The following FAM241A variants were observed in gnomAD, a reference collection of about 807,000 sequenced individuals.
The protein encoded by FAM241A is uncharacterized protein FAM241A.
In FAM241A, 7 loss-of-function variants were observed where a neutral mutation model predicts 12.2. The observed-to-expected ratio is 0.58, with a 90% CI of 0.33 to 1.08. The LOEUF (loss-of-function observed/expected upper bound fraction) is 1.08. Ranked by LOEUF, FAM241A falls within the 50% of genes least tolerant of loss-of-function variation. The pLI is 0.04. For synonymous variants in FAM241A, 74 were observed against 68.2 expected (o/e 1.08, Z -0.42); for missense variants, 161 against 169.7 (o/e 0.95, Z 0.29).
chr4:112,182,560 C>G (rs977620076), intron 1 of FAM241A, among the ~76,000 whole-genome samples: 1 of 152,002 alleles, frequency 6.6e-6, no homozygotes, highest in Admixed American at 6.6e-5. Flanking sequence ...GGATCAAACT[C>G]ATCGACTATA....
chr4:112,166,880 C>T (rs1235947194), intron 1 of FAM241A, among the ~76,000 whole-genome samples: 1 of 150,330 alleles, frequency 6.7e-6, no homozygotes, highest in African/African-American at 2.5e-5. Flanking sequence ...TTTGGGAGGC[C>T]GAGGCGGGCG....
intron 1 of FAM241A, chr4:112,171,200 T>C (rs780614827): frequency 1.5e-6 from 1 of 674,366 alleles, no homozygotes; most frequent in Non-Finnish European, 2.7e-6. Flanking sequence ...TCTGTGCCGA[T>C]AGCACTCCTG....
chr4:112,160,274 G>A (rs1723435842), intron 1 of FAM241A, among the ~76,000 whole-genome samples: 1 of 151,968 alleles, frequency 6.6e-6, no homozygotes. Flanking sequence ...TGGGCATGGT[G>A]ATGCGTGCCT....
chr4:112,168,347 G>A (rs1723643669), intron 1 of FAM241A, among the ~76,000 whole-genome samples: 1 of 152,052 alleles, frequency 6.6e-6, no homozygotes, highest in Non-Finnish European at 1.5e-5. Flanking sequence ...ATGATTGATA[G>A]CTTAATAGAT....
At chr4:112,159,356 G>A (rs548849819) in intron 1 of FAM241A, among the ~76,000 whole-genome samples, 6 of 152,224 alleles carry the variant, frequency 3.9e-5, no homozygotes, top group East Asian at 1.9e-4. Context: ...GTAAGCAAAC[G>A]CAAATTCTTT....
At chr4:112,158,336 C>A (rs566614668) in intron 1 of FAM241A, among the ~76,000 whole-genome samples, 2 of 152,196 alleles carry the variant, frequency 1.3e-5, no homozygotes, top group Admixed American at 1.3e-4. Flanking sequence ...TATTGAACAT[C>A]AATTGTTTTA....
intron 1 of FAM241A, among the ~76,000 whole-genome samples, chr4:112,162,755 G>A (rs963023585): frequency 1.2e-4 from 18 of 152,100 alleles, no homozygotes; most frequent in African/African-American, 2.7e-4. Flanking sequence ...TATAGATTCA[G>A]TGCCATCCCC....
chr4:112,173,798 T>C (rs140477746), intron 1 of FAM241A, among the ~76,000 whole-genome samples: 90 of 152,154 alleles, frequency 5.9e-4, no homozygotes, highest in Non-Finnish European at 1.2e-3. Flanking sequence ...TCACAGAAGT[T>C]GTCTCACAGT....
At chr4:112,151,688 T>G (rs576574823) in intron 1 of FAM241A, among the ~76,000 whole-genome samples, 4 of 152,200 alleles carry the variant, frequency 2.6e-5, no homozygotes, top group African/African-American at 4.8e-5. Context: ...ATCAGTAATA[T>G]ATACATATGA....
At chr4:112,155,834 T>C (rs528138495) in intron 1 of FAM241A, among the ~76,000 whole-genome samples, 1 of 152,308 alleles carries the variant, frequency 6.6e-6, no homozygotes, top group African/African-American at 2.4e-5. Flanking sequence ...TAAAATACAC[T>C]AAAAATTAGA....
At chr4:112,177,721 G>A (rs1432015948) in intron 1 of FAM241A, among the ~76,000 whole-genome samples, 1 of 152,110 alleles carries the variant, frequency 6.6e-6, no homozygotes, top group Non-Finnish European at 1.5e-5. Flanking sequence ...GAGAGAATCA[G>A]ACCCCCAAGA....
At chr4:112,179,924 T>C (rs1356024636) in intron 1 of FAM241A, among the ~76,000 whole-genome samples, 6 of 126,556 alleles carry the variant, frequency 4.7e-5, no homozygotes, top group African/African-American at 8.6e-5. Context: ...GATATATATA[T>C]ATATATATAT....
intron 1 of FAM241A, among the ~76,000 whole-genome samples, chr4:112,181,879 G>A (rs1302809104): frequency 6.6e-6 from 1 of 152,168 alleles, no homozygotes; most frequent in Non-Finnish European, 1.5e-5. Context: ...CTAAAAGCAG[G>A]ATGGAGGTGG....
At chr4:112,155,054 A>T (rs952788979) in intron 1 of FAM241A, among the ~76,000 whole-genome samples, 1 of 150,604 alleles carries the variant, frequency 6.6e-6, no homozygotes, top group African/African-American at 2.4e-5. Flanking sequence ...CTCCCCCGCC[A>T]CAAAAAAAGA....
At chr4:112,157,845 G>A (rs774539788) in intron 1 of FAM241A, among the ~76,000 whole-genome samples, 1 of 152,026 alleles carries the variant, frequency 6.6e-6, no homozygotes, top group Non-Finnish European at 1.5e-5. Context: ...TGTCATCCTA[G>A]CATATTTTCT....
At chr4:112,184,792 A>G (rs1369808748) in intron 1 of FAM241A, among the ~76,000 whole-genome samples, 4 of 152,176 alleles carry the variant, frequency 2.6e-5, no homozygotes, top group Non-Finnish European at 5.9e-5. Context: ...TTTAAACTCT[A>G]TGTGTACAAT....
chr4:112,161,027 G>T (rs1723453333), intron 1 of FAM241A, among the ~76,000 whole-genome samples: 1 of 152,124 alleles, frequency 6.6e-6, no homozygotes, highest in South Asian at 2.1e-4. Context: ...ATACAGACAA[G>T]TACAGGCAAC....
chr4:112,193,103 G>A lies in FAM241A; in HGVS notation c.*6165G>A, dbSNP rs1461998273. ...TGCATTTCTCTGATGGTCAGTGATG[G>A]TGAGCATTTTTTCATGTGTTTTTTG... On this transcript the variant is annotated 3_prime_UTR_variant, in exon 2 of 2. Transcript: ENST00000309733. 2.0e-5 allele frequency: 3 copies of A among 151,806 alleles called. No homozygotes were observed. Among genetic ancestry groups the A allele is most frequent in the African/African-American group, 4.9e-5 (2 of 41,198 alleles). The allele number at this position is 151,806 out of a possible 1,614,324, so 9.4% of individuals were successfully genotyped here.
intron 1 of FAM241A, among the ~76,000 whole-genome samples, chr4:112,179,088 T>C (rs1723877014): frequency 1.3e-5 from 2 of 152,286 alleles, no homozygotes; most frequent in South Asian, 4.1e-4. Context: ...CTTCAAACAC[T>C]CTGATGTAGT....
Sources: allele counts gnomAD v4.1 joint callset (sites outside exome capture counted in the v4.1 genomes callset), GRCh38; gene constraint gnomAD v4.1.1; transcripts MANE v1.5; gene names NCBI Gene and HGNC (gene_info 2026-07-23, HGNC 2026-07-21).